Variants in FMNL3 observed in about 807,000 individuals in gnomAD.
FMNL3 encodes the protein formin like 3, also known as formin-like protein 3.
FMNL3 carries 57 observed loss-of-function variants against 119.6 expected under a neutral mutation model. The ratio of observed to expected loss-of-function variants is 0.48; its 90% confidence interval spans 0.39 to 0.59. The LOEUF (loss-of-function observed/expected upper bound fraction) is 0.59, where lower values mean the gene tolerates loss of function less well. Ranked by LOEUF, FMNL3 falls within the 20% of genes least tolerant of loss-of-function variation. The pLI, the probability that FMNL3 is intolerant of heterozygous loss-of-function variation, is 0.00. For missense variants in FMNL3, 1,053 were observed against 1,323.5 expected (o/e 0.80, Z 3.17); for synonymous variants, 491 against 507.3 (o/e 0.97, Z 0.43).
chr12:49,680,168 G>A (rs1186771745), intron 1 of FMNL3, among the ~76,000 whole-genome samples: 1 of 152,218 alleles, frequency 6.6e-6, no homozygotes, highest in Non-Finnish European at 1.5e-5. Context: ...CCATTTTGGG[G>A]GGCAGCACCC....
chr12:49,647,785 A>C lies in FMNL3; in HGVS notation c.2696T>G (p.Val899Gly), dbSNP rs1467139639. ...CTTGGGACTCTCGCCAAAGTAGCGC[A>C]CAACTGCATTGTAGGCCTCCTGGGG... is the stretch of plus-strand genomic sequence containing the variant. ...KTAEEAYNAV[V>G]RYFGESPKTT... is the part of the protein sequence containing the mutation. Residue 899 changes from valine (V) to glycine (G), a missense_variant, in exon 23 of 26, where the codon GTG becomes GGG. Physicochemically the swap from Val to Gly is moderately radical, Grantham distance 109. Around this residue, in one of 4 missense-constraint regions of FMNL3, gnomAD observed 324 missense variants for 380.9 expected, o/e 0.85. Coordinates refer to ENST00000335154, the MANE Select transcript of FMNL3 (RefSeq NM_175736.5). This position sits in a 1 kb window ranked among gnomAD's most constrained non-coding sequence, Gnocchi z 4.9. 9 of 1,613,974 alleles carry C rather than the reference A, an allele frequency of 5.6e-6. No individual in the cohort carries two copies. The highest frequency in any genetic ancestry group is 1.3e-5 in the African/African-American group (1 of 74,922).
intron 4 of FMNL3, among the ~76,000 whole-genome samples, chr12:49,663,326 C>A (rs988050641): frequency 2.0e-5 from 3 of 152,294 alleles, no homozygotes; most frequent in African/African-American, 7.2e-5. Flanking sequence ...GCTGGAGAGG[C>A]TCTGGAATCC....
At chr12:49,659,689 CAT>C in intron 5 of FMNL3, 2 of 852,508 alleles carry the variant, frequency 2.3e-6, no homozygotes, top group East Asian at 1.2e-4. Context: ...TCTGGGATTA[CAT>C]GTGTGAGCCA....
chr12:49,685,372 G>A (rs2138969800), intron 1 of FMNL3, among the ~76,000 whole-genome samples: 1 of 152,234 alleles, frequency 6.6e-6, no homozygotes. Flanking sequence ...TGAGGCAGGA[G>A]AATCACCTGA....
chr12:49,636,822 A>T lies in FMNL3; in HGVS notation c.*8993T>A. ...GGGCCCGGCTTCGGGAGCGACGCCA[A>T]CAACGCAAGAATCGGGAGGCCTTCC... On this transcript the variant is annotated 3_prime_UTR_variant, in exon 26 of 26. Transcript: ENST00000335154. The T allele has an allele frequency of 6.2e-7, 1 of 1,614,184 alleles. No individual in the cohort carries two copies. The highest frequency in any genetic ancestry group is 2.2e-5 in the East Asian group (1 of 44,886).
intron 1 of FMNL3, among the ~76,000 whole-genome samples, chr12:49,673,217 C>T (rs571676860): frequency 1.3e-5 from 2 of 152,318 alleles, no homozygotes; most frequent in East Asian, 3.9e-4. Flanking sequence ...CTGTCCTGGG[C>T]ACCACACACT....
chr12:49,695,783 A>G (rs1474709599), intron 1 of FMNL3, among the ~76,000 whole-genome samples: 1 of 152,028 alleles, frequency 6.6e-6, no homozygotes, highest in Non-Finnish European at 1.5e-5. Flanking sequence ...AAATTCTGTT[A>G]TGAAATATCC....
At chr12:49,696,141 T>A (rs954665196) in intron 1 of FMNL3, among the ~76,000 whole-genome samples, 1 of 152,232 alleles carries the variant, frequency 6.6e-6, no homozygotes, top group Admixed American at 6.5e-5. Flanking sequence ...GTCTCTGATA[T>A]AAAATTATAT....
intron 1 of FMNL3, among the ~76,000 whole-genome samples, chr12:49,706,003 C>CGCTCCTTCA (rs1555225239): frequency 2.0e-5 from 3 of 151,888 alleles, no homozygotes; most frequent in Admixed American, 1.3e-4. Context: ...AAGGCAGAGT[C>CGCTCCTTCA]GGCCATACCA....
rs1323827481 is a variant in FMNL3 at position 49,658,477 on chromosome 12, G to A, written c.570C>T (p.Asn190=). The change falls in exon 6 of 26, where the codon AAC becomes AAT. Residue 190 remains asparagine (N), a synonymous_variant. Coordinates refer to ENST00000335154, the MANE Select transcript of FMNL3 (RefSeq NM_175736.5). ...PPSALSAPFT[N]SLARSARQSV... ...ACTGGCGCGCAGAGCGAGCGAGGCT[G>A]TTGGTGAAGGGGGCCGACAGGGCGC... The A allele has an allele frequency of 1.7e-5, 27 of 1,612,738 alleles. No individual in the cohort carries two copies. The highest frequency in any genetic ancestry group is 1.9e-5 in the Non-Finnish European group (22 of 1,179,222).
intron 7 of FMNL3, 74 bp from the exon 8 acceptor site, chr12:49,656,973 A>G: frequency 6.6e-7 from 1 of 1,525,636 alleles, no homozygotes; most frequent in Middle Eastern, 1.7e-4. Context: ...CCTTGACCGT[A>G]GGCCCACCAG....
chr12:49,668,881 T>C (rs1239577462), intron 1 of FMNL3, among the ~76,000 whole-genome samples: 1 of 152,256 alleles, frequency 6.6e-6, no homozygotes, highest in Non-Finnish European at 1.5e-5. Context: ...TTAGTTTCTT[T>C]TCTATTTTAT....
intron 2 of FMNL3, among the ~76,000 whole-genome samples, chr12:49,667,803 C>T (rs1482061330): frequency 6.6e-6 from 1 of 152,132 alleles, no homozygotes; most frequent in Non-Finnish European, 1.5e-5. Context: ...ACCCACACTG[C>T]CAGATACTTC....
chr12:49,642,240 G>A lies in FMNL3; in HGVS notation c.*3575C>T. ...CGTGTCCCTTCTTTCCTCAGCTGCT[G>A]GAGAAAGCAGAGGCACGGGAGAGGG... On this transcript the variant is annotated 3_prime_UTR_variant, in exon 26 of 26. Transcript: ENST00000335154. The surrounding 1 kb of genome is among the most constrained non-coding windows in gnomAD (Gnocchi z 5.8). 1.2e-6 allele frequency: 2 copies of A among 1,614,184 alleles called. No individual in the cohort carries two copies. Among genetic ancestry groups the A allele is most frequent in the Non-Finnish European group, 1.7e-6 (2 of 1,180,014 alleles).
rs1679649659 is a variant in FMNL3, at chr12:49,641,673, G to A, written c.*4142C>T. The stretch of plus-strand genomic sequence containing the variant: ...AAACTCAGCATTAATCAGCAGTTGG[G>A]AGACATCTCCCAACCCCTTCAGCTC... On this transcript the variant is annotated 3_prime_UTR_variant, in exon 26 of 26. Transcript: ENST00000335154. 1 of 519,052 alleles carries A rather than the reference G, an allele frequency of 1.9e-6. No individual in the cohort carries two copies. Among genetic ancestry groups the A allele is most frequent in the Non-Finnish European group, 3.4e-6 (1 of 293,000 alleles). 32.2% of individuals were successfully genotyped at this position (519,052 alleles called of 1,614,324 possible).
rs766758338 is a variant in FMNL3, at chr12:49,641,923, G to A, written c.*3892C>T. 5.6e-6 allele frequency: 9 copies of A among 1,613,374 alleles called. No individual in the cohort carries two copies. The highest frequency in any genetic ancestry group is 1.3e-5 in the African/African-American group (1 of 74,920). On this transcript the variant is annotated 3_prime_UTR_variant, in exon 26 of 26. Coordinates refer to ENST00000335154, the MANE Select transcript of FMNL3 (RefSeq NM_175736.5). ...GTACCCACAGGACCGGGGCTTCTGC[G>A]TGGAGGTGAACACGGCCTTTGAGGA...
intron 6 of FMNL3, 23 bp from the exon 7 acceptor site, chr12:49,657,213 C>A: frequency 6.3e-7 from 1 of 1,577,216 alleles, no homozygotes; most frequent in Non-Finnish European, 8.7e-7. Context: ...GCCAGGCAGT[C>A]AGGTGGGAGC....
At chr12:49,695,500 T>C (rs1179665638) in intron 1 of FMNL3, among the ~76,000 whole-genome samples, 2 of 152,202 alleles carry the variant, frequency 1.3e-5, no homozygotes, top group South Asian at 2.1e-4. Flanking sequence ...TAGCTTCATA[T>C]TGCCTGTAAA....
rs1555211951 is a variant in FMNL3, at chr12:49,638,499, A to G, written c.*7316T>C. 6.6e-6 allele frequency: 1 copy of G among 152,176 alleles called. No homozygotes were observed. Among genetic ancestry groups the G allele is most frequent in the Non-Finnish European group, 1.5e-5 (1 of 68,036 alleles). 9.4% of individuals were successfully genotyped at this position (152,176 alleles called of 1,614,324 possible). A position where few individuals can be genotyped will look rare whatever the true frequency, so the allele number is the denominator to read the frequency against. On this transcript the variant is annotated 3_prime_UTR_variant, in exon 26 of 26. Coordinates refer to ENST00000335154, the MANE Select transcript of FMNL3 (RefSeq NM_175736.5). ...TGTCAGCTGCCATTTACCATCACACATGGCCTGTTGCTCTTCTTCTACTGG... is the reference window on the plus strand; with the variant it reads ...TGTCAGCTGCCATTTACCATCACACGTGGCCTGTTGCTCTTCTTCTACTGG...
Sources: gnomAD v4.1 joint callset for allele counts (sites outside exome capture counted in the v4.1 genomes callset) on GRCh38, gnomAD v4.1.1 for gene constraint, gnomAD v4.1.1 regional missense constraint, Gnocchi (gnomAD v3.1) non-coding constraint, MANE v1.5 for transcripts, NCBI Gene and HGNC (gene_info 2026-07-23, HGNC 2026-07-21) for gene names.